Variants in PCDH9 observed in about 807,000 individuals in gnomAD.
PCDH9 encodes the protein protocadherin-9.
In PCDH9, 24 loss-of-function variants were observed where a neutral mutation model predicts 70.6. The ratio of observed to expected loss-of-function variants is 0.34; its 90% CI spans 0.25 to 0.48. The LOEUF (loss-of-function observed/expected upper bound fraction) is 0.48. PCDH9 is among the 20% of genes least tolerant of loss of function. The probability of loss-of-function intolerance (pLI) is 0.99; values close to 1 mark genes in which losing one functional copy is unlikely to be tolerated. For missense variants in PCDH9, 1,281 were observed against 1,503.6 expected, an observed-to-expected ratio of 0.85 and a Z score of 2.45; for synonymous variants, 562 against 558.5, an observed-to-expected ratio of 1.01 and a Z score of -0.09.
chr13:66,857,765 A>G (rs946277723), intron 3 of PCDH9, among the ~76,000 whole-genome samples: 2 of 152,170 alleles, frequency 1.3e-5, no homozygotes, highest in South Asian at 2.1e-4. Context: ...TGTAGTACAC[A>G]TGAAAGCTTC....
intron 2 of PCDH9, among the ~76,000 whole-genome samples, chr13:67,053,071 T>C (rs192431645): frequency 6.6e-6 from 1 of 151,992 alleles, no homozygotes; most frequent in East Asian, 1.9e-4. Flanking sequence ...GAGAAGCCAG[T>C]AGGAGCAGGA....
At chr13:66,424,656 G>C (rs983486502) in intron 4 of PCDH9, among the ~76,000 whole-genome samples, 2 of 151,898 alleles carry the variant, frequency 1.3e-5, no homozygotes, top group South Asian at 4.1e-4. Context: ...TTCCATTACA[G>C]TATTCCTTGT....
chr13:66,462,336 A>G (rs780608501), intron 4 of PCDH9, among the ~76,000 whole-genome samples: 2 of 152,060 alleles, frequency 1.3e-5, no homozygotes, highest in East Asian at 3.9e-4. Flanking sequence ...TTAAACCTTT[A>G]TGGTTTGAAG....
intron 3 of PCDH9, among the ~76,000 whole-genome samples, chr13:66,798,799 T>C (rs1452798304): frequency 8.0e-6 from 1 of 125,214 alleles, no homozygotes; most frequent in Non-Finnish European, 1.7e-5. Flanking sequence ...GACTATATGA[T>C]GCTTATTCCT....
intron 2 of PCDH9, among the ~76,000 whole-genome samples, chr13:66,946,898 G>T (rs895717069): frequency 6.6e-6 from 1 of 152,024 alleles, no homozygotes; most frequent in African/African-American, 2.4e-5. Context: ...AATTTATGTT[G>T]AATAAATGTA....
At chr13:66,893,132 TAA>T (rs1405723922) in intron 3 of PCDH9, among the ~76,000 whole-genome samples, 1 of 152,170 alleles carries the variant, frequency 6.6e-6, no homozygotes. Flanking sequence ...TAATTAACTT[TAA>T]GTTTGTTAAA....
At chr13:66,417,197 G>A (rs1175764395) in intron 4 of PCDH9, among the ~76,000 whole-genome samples, 3 of 151,868 alleles carry the variant, frequency 2.0e-5, no homozygotes, top group Non-Finnish European at 4.4e-5. Context: ...CCATCAACAG[G>A]CCCCAGTGTA....
chr13:67,216,751 A>T (rs1458444306), intron 2 of PCDH9: 1 of 141,980 alleles, frequency 7.0e-6, no homozygotes, highest in Non-Finnish European at 1.5e-5. Flanking sequence ...ATATTACATC[A>T]CTTTAAAATC....
chr13:67,066,690 T>C (rs753341513), intron 2 of PCDH9, among the ~76,000 whole-genome samples: 5 of 152,210 alleles, frequency 3.3e-5, no homozygotes, highest in Non-Finnish European at 5.9e-5. Flanking sequence ...TTTATTATAT[T>C]AGTTTAAAAT....
intron 3 of PCDH9, among the ~76,000 whole-genome samples, chr13:66,674,517 G>A (rs969168763): frequency 6.6e-6 from 1 of 152,026 alleles, no homozygotes; most frequent in African/African-American, 2.4e-5. Context: ...AACTTGTGCT[G>A]TATTCTGGAA....
At chr13:66,957,654 G>A (rs1209127517) in intron 2 of PCDH9, among the ~76,000 whole-genome samples, 2 of 152,046 alleles carry the variant, frequency 1.3e-5, no homozygotes, top group East Asian at 3.9e-4. Context: ...CTGTCCTTAT[G>A]AGAAGAGACA....
intron 2 of PCDH9, chr13:67,214,935 G>GATATATATATACATATAT (rs2089557177): frequency 1.1e-5 from 1 of 89,248 alleles, no homozygotes; most frequent in Admixed American, 1.2e-4. Flanking sequence ...TTGCGAGCCA[G>GATATATATATACATATAT]ATATATATAT....
intron 3 of PCDH9, among the ~76,000 whole-genome samples, chr13:66,659,241 T>G (rs912279985): frequency 6.6e-6 from 1 of 152,190 alleles, no homozygotes; most frequent in Admixed American, 6.5e-5. Flanking sequence ...CATGTTTGTT[T>G]CACTGTCAAA....
At chr13:66,803,684 A>T (rs964641112) in intron 3 of PCDH9, among the ~76,000 whole-genome samples, 3 of 151,758 alleles carry the variant, frequency 2.0e-5, no homozygotes, top group African/African-American at 7.2e-5. Flanking sequence ...ATAATGATTC[A>T]TTTCATATGC....
intron 2 of PCDH9, among the ~76,000 whole-genome samples, chr13:67,024,339 A>G (rs1446755475): frequency 6.6e-6 from 1 of 152,160 alleles, no homozygotes; most frequent in East Asian, 1.9e-4. Context: ...CTCAATGGCC[A>G]TGGGTCATCG....
intron 4 of PCDH9, among the ~76,000 whole-genome samples, chr13:66,530,287 T>G (rs970034989): frequency 5.9e-5 from 9 of 152,090 alleles, no homozygotes; most frequent in African/African-American, 2.2e-4. Flanking sequence ...GGCCAACTTT[T>G]CAGACTTCAT....
intron 3 of PCDH9, among the ~76,000 whole-genome samples, chr13:66,830,332 AT>A (rs1400976348): frequency 2.0e-5 from 3 of 152,118 alleles, no homozygotes; most frequent in African/African-American, 7.2e-5. Context: ...ACTTTGGCTG[AT>A]TTGTCAGAGG....
intron 4 of PCDH9, among the ~76,000 whole-genome samples, chr13:66,492,069 G>T (rs920631641): frequency 6.6e-6 from 1 of 152,110 alleles, no homozygotes; most frequent in Non-Finnish European, 1.5e-5. Flanking sequence ...ATTTGTGCTC[G>T]GGTTTCTGAG....
In PCDH9 at chr13:67,226,103, T is replaced by C. The variant is rs2089862194; in HGVS notation, c.2338A>G (p.Asn780Asp). ...VFLYVNDTAG[N>D]ASYIYDLIRR... The stretch of plus-strand genomic sequence containing the variant: ...ATCAAGTCATAGATATAGGAGGCAT[T>C]TCCAGCAGTGTCGTTAACATAAAGG... The change falls in exon 2 of 5, where the codon AAT (asparagine) becomes GAT (aspartate). Residue 780 changes from asparagine (N) to aspartate (D), a missense_variant. Asn to Asp is a conservative substitution (Grantham distance 23, BLOSUM62 1). Transcript: ENST00000377865. This position sits in a 1 kb window ranked among gnomAD's most constrained non-coding sequence, Gnocchi z 5.0. The C allele has an allele frequency of 6.2e-7, 1 of 1,613,992 alleles. No homozygotes were observed. The highest frequency in any genetic ancestry group is 1.7e-5 in the Admixed American group (1 of 59,986).
Sources: gnomAD v4.1 joint callset for allele counts (sites outside exome capture counted in the v4.1 genomes callset) on GRCh38, gnomAD v4.1.1 for gene constraint, Gnocchi (gnomAD v3.1) non-coding constraint, MANE v1.5 for transcripts, NCBI Gene and HGNC (gene_info 2026-07-23, HGNC 2026-07-21) for gene names.